COL25A1: variants seen among roughly 807,000 people sequenced by gnomAD.
The protein encoded by COL25A1 is collagen alpha-1(XXV) chain.
A neutral mutation model predicts 128.4 loss-of-function variants in COL25A1; 103 were observed. That is an observed-to-expected ratio of 0.80 (90% CI 0.68 to 0.94). The LOEUF (loss-of-function observed/expected upper bound fraction) is 0.94. COL25A1 is among the 40% of genes least tolerant of loss of function. The pLI is 0.00. For missense variants in COL25A1, 745 were observed against 840.0 expected, an observed-to-expected ratio of 0.89 and a Z score of 1.40; for synonymous variants, 279 against 277.2, an observed-to-expected ratio of 1.01 and a Z score of -0.06.
intron 8 of COL25A1, among the ~76,000 whole-genome samples, chr4:108,970,311 A>G (rs1751776644): frequency 6.6e-6 from 1 of 152,220 alleles, no homozygotes; most frequent in Non-Finnish European, 1.5e-5. Context: ...CTACCACGCT[A>G]GACATTCAAA....
chr4:109,083,459 T>A (rs1485528271), intron 3 of COL25A1, among the ~76,000 whole-genome samples: 1 of 120,950 alleles, frequency 8.3e-6, no homozygotes, highest in Non-Finnish European at 1.7e-5. Flanking sequence ...TTTTTTTTTT[T>A]TTTTTTTTTT....
intron 3 of COL25A1, among the ~76,000 whole-genome samples, chr4:109,129,858 A>C (rs1387708931): frequency 3.9e-5 from 6 of 152,184 alleles, no homozygotes; most frequent in African/African-American, 1.4e-4. Flanking sequence ...CTCTCTTGCA[A>C]AGTTGTTTAA....
At chr4:109,252,045 G>A (rs927381791) in intron 3 of COL25A1, among the ~76,000 whole-genome samples, 1 of 152,242 alleles carries the variant, frequency 6.6e-6, no homozygotes, top group African/African-American at 2.4e-5. Context: ...AACTTCTTTT[G>A]CTATAAAGTG....
chr4:109,168,942 G>A lies in COL25A1; in HGVS notation c.368-118763C>T, dbSNP rs185314219. The stretch of plus-strand genomic sequence containing the variant: ...GCATTTCTCTGGGCATCTCTCACCC[G>A]CACTACTGCATGTACCTCTAGGCTA... On this transcript the variant is annotated intron_variant, in intron 3 of 37. Coordinates refer to ENST00000399132, the MANE Select transcript of COL25A1 (RefSeq NM_198721.4). Among the ~76,000 whole-genome samples, 355 of 152,054 alleles carry A rather than the reference G, an allele frequency of 2.3e-3. 2 individuals are homozygous for A. Among genetic ancestry groups the A allele is most frequent in the Middle Eastern group, 6.8e-3 (2 of 294 alleles).
chr4:109,121,268 A>C (rs1579433233), intron 3 of COL25A1, among the ~76,000 whole-genome samples: 2 of 152,246 alleles, frequency 1.3e-5, no homozygotes, highest in Middle Eastern at 6.8e-3. Context: ...CCAAAGTGAC[A>C]AACTATGAAA....
At chr4:108,925,361 G>T (rs948314487) in intron 11 of COL25A1, among the ~76,000 whole-genome samples, 1 of 152,076 alleles carries the variant, frequency 6.6e-6, no homozygotes, top group African/African-American at 2.4e-5. Context: ...TGGTGGGGGC[G>T]GGGCGGTCAT....
intron 3 of COL25A1, among the ~76,000 whole-genome samples, chr4:109,106,925 G>A (rs973676183): frequency 2.6e-5 from 4 of 151,884 alleles, no homozygotes; most frequent in African/African-American, 7.3e-5. Flanking sequence ...AGGCTACCTC[G>A]CTCTGCTAAT....
intron 19 of COL25A1, among the ~76,000 whole-genome samples, chr4:108,879,201 AGAGT>A (rs922932592): frequency 3.9e-5 from 6 of 152,344 alleles, no homozygotes; most frequent in African/African-American, 1.4e-4. Flanking sequence ...TGGGATATAA[AGAGT>A]TAGTTACTGT....
chr4:109,261,966 G>A (rs2126256009), intron 3 of COL25A1, among the ~76,000 whole-genome samples: 1 of 151,738 alleles, frequency 6.6e-6, no homozygotes, highest in African/African-American at 2.4e-5. Context: ...CAAAGTGCTG[G>A]GATTACAGGC....
At chr4:109,265,480 T>A (rs186320485) in intron 3 of COL25A1, among the ~76,000 whole-genome samples, 39 of 152,038 alleles carry the variant, frequency 2.6e-4, no homozygotes, top group African/African-American at 7.2e-4. Flanking sequence ...GCAATAAATA[T>A]CTATTCTTGC....
At chr4:108,898,223 G>A (rs982480500) in intron 15 of COL25A1, among the ~76,000 whole-genome samples, 1 of 152,070 alleles carries the variant, frequency 6.6e-6, no homozygotes, top group African/African-American at 2.4e-5. Flanking sequence ...TGTCCCCTCA[G>A]GAAACTGCCC....
At chr4:108,830,595 A>G (rs780975734) in intron 32 of COL25A1, among the ~76,000 whole-genome samples, 1 of 152,268 alleles carries the variant, frequency 6.6e-6, no homozygotes, top group Non-Finnish European at 1.5e-5. Flanking sequence ...GATAGTTAAC[A>G]TGCTGAGTAA....
chr4:108,819,745 G>T (rs1731596633), intron 35 of COL25A1: 4 of 785,962 alleles, frequency 5.1e-6, no homozygotes, highest in Non-Finnish European at 5.2e-6. Flanking sequence ...GATCCCTCCG[G>T]CTTGCTCTTC....
intron 3 of COL25A1, among the ~76,000 whole-genome samples, chr4:109,191,494 G>A (rs559465649): frequency 3.3e-5 from 5 of 152,248 alleles, no homozygotes; most frequent in Admixed American, 1.3e-4. Flanking sequence ...ACTGTTTCCA[G>A]CCACGTTCCC....
At chr4:109,145,010 T>A (rs932563504) in intron 3 of COL25A1, among the ~76,000 whole-genome samples, 2 of 150,920 alleles carry the variant, frequency 1.3e-5, no homozygotes, top group South Asian at 4.2e-4. Flanking sequence ...TCCTATAAAA[T>A]CCAGTGACTC....
intron 3 of COL25A1, among the ~76,000 whole-genome samples, chr4:109,289,411 A>G (rs1724240542): frequency 6.6e-6 from 1 of 152,142 alleles, no homozygotes; most frequent in Non-Finnish European, 1.5e-5. Flanking sequence ...TTACATCTGT[A>G]TGAAACTCAT....
intron 6 of COL25A1, among the ~76,000 whole-genome samples, chr4:108,978,360 G>A (rs933796120): frequency 6.6e-6 from 1 of 152,128 alleles, no homozygotes; most frequent in African/African-American, 2.4e-5. Context: ...CTTCCGAATT[G>A]GACCCTCTTC....
rs564598889 is a variant in COL25A1 at position 108,923,726 on chromosome 4, C to T, written c.709-3122G>A. On this transcript the variant is annotated intron_variant, in intron 11 of 37. Coordinates refer to ENST00000399132, the MANE Select transcript of COL25A1 (RefSeq NM_198721.4). Reference sequence around the variant, plus strand: ...AATAATGCCATAAATTCATTATTCACTAGTTAAACGAATGCTGATTATTCC... The same window carrying T: ...AATAATGCCATAAATTCATTATTCATTAGTTAAACGAATGCTGATTATTCC... 6.6e-5 allele frequency among the ~76,000 whole-genome samples: 10 copies of T among 152,258 alleles called. No homozygotes were observed. In the South Asian group the frequency reaches 1.9e-3, roughly 28 times the overall value.
chr4:109,087,101 T>A (rs1764463380), intron 3 of COL25A1, among the ~76,000 whole-genome samples: 1 of 151,924 alleles, frequency 6.6e-6, no homozygotes, highest in Non-Finnish European at 1.5e-5. Context: ...AACCACCCAG[T>A]GTGTGGGCAA....
Sources: allele counts gnomAD v4.1 joint callset (sites outside exome capture counted in the v4.1 genomes callset), GRCh38; gene constraint gnomAD v4.1.1; transcripts MANE v1.5; gene names NCBI Gene and HGNC (gene_info 2026-07-23, HGNC 2026-07-21).